Variants in EYS observed in about 807,000 individuals in gnomAD.
EYS encodes the protein EGF-like photoreceptor maintenance factor, also known as protein eyes shut homolog.
In EYS, 250 loss-of-function variants were observed where a neutral mutation model predicts 282.1. The observed-to-expected ratio is 0.89, with a 90% confidence interval of 0.80 to 0.98. The LOEUF (loss-of-function observed/expected upper bound fraction) is 0.98. Ranked by LOEUF, EYS falls within the 50% of genes least tolerant of loss-of-function variation. The pLI, the probability that EYS is intolerant of heterozygous loss-of-function variation, is 0.00. For synonymous variants in EYS, 1,355 were observed against 1,282.9 expected, an observed-to-expected ratio of 1.06 and a Z score of -1.20; for missense variants, 4,016 against 3,709.0, an observed-to-expected ratio of 1.08 and a Z score of -2.15.
intron 31 of EYS, among the ~76,000 whole-genome samples, chr6:64,142,921 C>T (rs975502311): frequency 3.3e-5 from 5 of 152,000 alleles, no homozygotes; most frequent in African/African-American, 9.7e-5. Context: ...GTATTCACTC[C>T]AGTGATCAAT....
At chr6:65,146,482 G>T (rs1764479662) in intron 12 of EYS, among the ~76,000 whole-genome samples, 2 of 151,860 alleles carry the variant, frequency 1.3e-5, no homozygotes, top group African/African-American at 4.8e-5. Context: ...AAAATTAAAA[G>T]AAATCAATAT....
chr6:65,688,308 G>A (rs939165473), intron 1 of EYS, among the ~76,000 whole-genome samples: 7 of 151,928 alleles, frequency 4.6e-5, no homozygotes, highest in African/African-American at 1.7e-4. Context: ...TCTTTGACAA[G>A]GCTGACAAAA....
chr6:64,079,842 G>A (rs990525469), intron 32 of EYS, among the ~76,000 whole-genome samples: 7 of 152,120 alleles, frequency 4.6e-5, no homozygotes, highest in Non-Finnish European at 1.0e-4. Flanking sequence ...CCTTGCCATA[G>A]TTTGCTGAGA....
chr6:63,951,857 G>A (rs960192188), intron 35 of EYS, among the ~76,000 whole-genome samples: 1 of 152,086 alleles, frequency 6.6e-6, no homozygotes. Context: ...TTCATGGCTT[G>A]TTTGGTAGCA....
At chr6:64,116,750 C>T (rs113151478) in intron 31 of EYS, among the ~76,000 whole-genome samples, 2,943 of 151,890 alleles carry the variant, frequency 0.019, 83 homozygotes, top group African/African-American at 0.067. Flanking sequence ...TCAATGTAAA[C>T]GGAAAGTAAG....
At chr6:64,190,140 T>C (rs1765058736) in intron 31 of EYS, among the ~76,000 whole-genome samples, 1 of 152,094 alleles carries the variant, frequency 6.6e-6, no homozygotes, top group South Asian at 2.1e-4. Flanking sequence ...AAGGTACCGA[T>C]AAGTAAGCAG....
Position 64,946,324 on chromosome 6 carries a change from C to T in EYS, c.2260-410G>A, listed in dbSNP as rs983351556. Among the ~76,000 whole-genome samples the T allele has an allele frequency of 5.3e-5, 8 of 151,916 alleles. No individual in the cohort carries two copies. In the East Asian group the frequency reaches 1.3e-3, roughly 26 times the overall value. On this transcript the variant is annotated intron_variant, in intron 14 of 42. Transcript: ENST00000503581. The stretch of plus-strand genomic sequence containing the variant: ...AAAAATACAAGTATAAATAAGGAAA[C>T]TTTTGACAGATTTATTGTTACAGAT...
chr6:64,943,736 T>C (rs1769178558), intron 15 of EYS, among the ~76,000 whole-genome samples: 1 of 152,112 alleles, frequency 6.6e-6, no homozygotes, highest in Non-Finnish European at 1.5e-5. Flanking sequence ...AAATACCCCG[T>C]GTTCATGGCT....
At chr6:64,894,273 G>A (rs969238930) in intron 18 of EYS, among the ~76,000 whole-genome samples, 3 of 151,884 alleles carry the variant, frequency 2.0e-5, no homozygotes, top group African/African-American at 7.3e-5. Flanking sequence ...CATGGAATTG[G>A]GTTTCGTGAT....
rs1328614016 is a variant in EYS, at chr6:65,301,568, G to A, written c.1767-5449C>T. 1.8e-4 allele frequency among the ~76,000 whole-genome samples: 28 copies of A among 152,320 alleles called. No homozygotes were observed. In the East Asian group the frequency reaches 4.2e-3, roughly 23 times the overall value. ...AAAGACGTGGCAGCAAGCGGGAGTC[G>A]GGGATAGTGTCATCGGTTCGGGTCC... On this transcript the variant is annotated intron_variant, in intron 11 of 42. Coordinates refer to ENST00000503581, the MANE Select transcript of EYS (RefSeq NM_001142800.2).
chr6:64,658,690 T>A lies in EYS; in HGVS notation c.3444-32445A>T, dbSNP rs540800838. 6.6e-5 allele frequency among the ~76,000 whole-genome samples: 10 copies of A among 152,328 alleles called. No homozygotes were observed. The East Asian group carries it at 9.7e-4, about 15-fold the overall frequency. Reference sequence around the variant, plus strand: ...AGCGGATATTGGTGAGCAGCAAATGTTGCTACTGGATCAATCCTCTGGAAG... The same window carrying A: ...AGCGGATATTGGTGAGCAGCAAATGATGCTACTGGATCAATCCTCTGGAAG... On this transcript the variant is annotated intron_variant, in intron 22 of 42. Coordinates refer to ENST00000503581, the MANE Select transcript of EYS (RefSeq NM_001142800.2).
At chr6:64,098,997 G>A (rs34206904) in intron 31 of EYS, among the ~76,000 whole-genome samples, 1 of 152,022 alleles carries the variant, frequency 6.6e-6, no homozygotes, top group African/African-American at 2.4e-5. Context: ...AAAGTCATTG[G>A]TAATTATAAA....
chr6:65,473,231 T>C (rs1207705003), intron 5 of EYS, among the ~76,000 whole-genome samples: 1 of 151,856 alleles, frequency 6.6e-6, no homozygotes, highest in East Asian at 1.9e-4. Flanking sequence ...AAATAATAGA[T>C]AAATTTGATA....
chr6:65,062,362 G>A (rs1773602478), intron 12 of EYS, among the ~76,000 whole-genome samples: 2 of 151,816 alleles, frequency 1.3e-5, no homozygotes, highest in African/African-American at 2.4e-5. Context: ...GTCTAAAAAT[G>A]TACCAAACCT....
chr6:64,965,742 T>C (rs1005653658), intron 14 of EYS, among the ~76,000 whole-genome samples: 2 of 152,170 alleles, frequency 1.3e-5, no homozygotes, highest in African/African-American at 2.4e-5. Flanking sequence ...CTTGCTTTTT[T>C]ATAGTTTATG....
intron 1 of EYS, among the ~76,000 whole-genome samples, chr6:65,705,562 G>A (rs933626070): frequency 5.3e-5 from 8 of 152,042 alleles, no homozygotes; most frequent in African/African-American, 1.9e-4. Context: ...GTAATTCCAT[G>A]GAAAAAGGGG....
At chr6:64,226,410 A>AT (rs1766254043) in intron 31 of EYS, among the ~76,000 whole-genome samples, 1 of 152,056 alleles carries the variant, frequency 6.6e-6, no homozygotes, top group African/African-American at 2.4e-5. Flanking sequence ...ATACTCCTTT[A>AT]TTTTACTATT....
intron 2 of EYS, among the ~76,000 whole-genome samples, chr6:65,543,649 T>G (rs1297128013): frequency 2.0e-5 from 3 of 152,042 alleles, no homozygotes; most frequent in Admixed American, 6.6e-5. Context: ...ATTAATCTTC[T>G]CCCTATGATT....
At chr6:65,001,532 C>G (rs10944774) in intron 13 of EYS, among the ~76,000 whole-genome samples, 59,476 of 146,788 alleles carry the variant, frequency 0.41, 18,315 homozygotes, top group East Asian at 0.59. Context: ...TATCTGGGTA[C>G]GGGCTAGGGA....
Sources: gnomAD v4.1 joint callset for allele counts (sites outside exome capture counted in the v4.1 genomes callset) on GRCh38, gnomAD v4.1.1 for gene constraint, MANE v1.5 for transcripts, NCBI Gene and HGNC (gene_info 2026-07-23, HGNC 2026-07-21) for gene names.